The following VCL variants were observed in gnomAD, a reference collection of about 807,000 sequenced individuals.
VCL encodes vinculin.
Under a neutral mutation model 125.7 loss-of-function variants are expected in VCL, and 47 were observed. The observed-to-expected ratio is 0.37, with a 90% CI of 0.30 to 0.48. The LOEUF is 0.48. Among genes scored for constraint, VCL ranks in the 20% least tolerant of loss-of-function variants. The pLI, the probability that VCL is intolerant of heterozygous loss-of-function variation, is 0.99. For missense variants in VCL, 1,069 were observed against 1,455.5 expected (o/e 0.73, Z 4.32); for synonymous variants, 458 against 514.6 (o/e 0.89, Z 1.49).
chr10:74,042,572 C>T (rs976184175), intron 1 of VCL, among the ~76,000 whole-genome samples: 1 of 152,116 alleles, frequency 6.6e-6, no homozygotes, highest in Non-Finnish European at 1.5e-5. Flanking sequence ...GGAAAAATAT[C>T]ATATTGTTTT....
rs563955928 is a variant in VCL, at chr10:74,002,316, G to C, written c.168+3941G>C. ...AATTTTGGATTTTTAGTAGAGACGGGGTTTCTCCATGTTGGTTAGGCTGGT... is the reference window on the plus strand; with the variant it reads ...AATTTTGGATTTTTAGTAGAGACGGCGTTTCTCCATGTTGGTTAGGCTGGT... On this transcript the variant is annotated intron_variant, in intron 1 of 21. Coordinates refer to ENST00000211998, the MANE Select transcript of VCL (RefSeq NM_014000.3). 4.4e-3 allele frequency among the ~76,000 whole-genome samples: 665 copies of C among 151,298 alleles called. 5 individuals are homozygous for C. The highest frequency in any genetic ancestry group is 6.8e-3 in the Non-Finnish European group (461 of 67,772).
rs1840606382 is a variant in VCL, at chr10:74,018,692, A to AT, written c.168+20317_168+20318insT. On this transcript the variant is annotated intron_variant, in intron 1 of 21. Coordinates refer to ENST00000211998, the MANE Select transcript of VCL (RefSeq NM_014000.3). ...AGACGACATAAATCAGTTAAAAAAAACAAAACTAACTTCAGTTTTTGAATA... is the reference window on the plus strand; with the variant it reads ...AGACGACATAAATCAGTTAAAAAAAATCAAAACTAACTTCAGTTTTTGAATA... 2.0e-5 allele frequency among the ~76,000 whole-genome samples: 3 copies of AT among 152,308 alleles called. No homozygotes were observed. The South Asian group carries it at 6.2e-4, about 32-fold the overall frequency.
At position 74,014,472 on chromosome 10, in the gene VCL, C is replaced by T. The variant is rs185873944; in HGVS notation, c.168+16097C>T. ...CTGGTCTTGAACTCCTGGACTTAAGCAGTCCACCCGCCTCAGCCTCCCAAA... is the reference window on the plus strand; with the variant it reads ...CTGGTCTTGAACTCCTGGACTTAAGTAGTCCACCCGCCTCAGCCTCCCAAA... On this transcript the variant is annotated intron_variant, in intron 1 of 21. Coordinates refer to ENST00000211998, the MANE Select transcript of VCL (RefSeq NM_014000.3). 1.7e-3 allele frequency among the ~76,000 whole-genome samples: 251 copies of T among 151,372 alleles called. No homozygotes were observed. The Middle Eastern group carries it at 0.024, about 15-fold the overall frequency.
chr10:74,036,018 C>G (rs1840969645), intron 1 of VCL, among the ~76,000 whole-genome samples: 1 of 152,094 alleles, frequency 6.6e-6, no homozygotes, highest in Admixed American at 6.6e-5. Context: ...ATATAAGAGA[C>G]AAGCATCTGT....
intron 17 of VCL, 49 bp from the exon 18 acceptor site, chr10:74,108,922 G>T (rs780355735): frequency 1.9e-6 from 3 of 1,607,224 alleles, no homozygotes; most frequent in Admixed American, 1.7e-5. Flanking sequence ...AGAATTCCAG[G>T]GGGGAGTAGT....
chr10:74,068,151 C>T (rs972938907), intron 2 of VCL, among the ~76,000 whole-genome samples: 3 of 152,104 alleles, frequency 2.0e-5, no homozygotes, highest in Non-Finnish European at 2.9e-5. Flanking sequence ...ATATGCATAC[C>T]TTTGACTCAG....
intron 1 of VCL, among the ~76,000 whole-genome samples, chr10:74,024,856 G>C (rs1419467185): frequency 2.0e-5 from 3 of 152,138 alleles, no homozygotes; most frequent in Non-Finnish European, 4.4e-5. Context: ...CAGGACAATG[G>C]GACATCAGTT....
chr10:74,114,581 G>A (rs1369946252), intron 20 of VCL, among the ~76,000 whole-genome samples, 194 bp downstream of exon 20: 6 of 151,700 alleles, frequency 4.0e-5, no homozygotes, highest in Non-Finnish European at 1.5e-5. Context: ...ACAGATTCAG[G>A]AAAGGTTACT....
intron 1 of VCL, among the ~76,000 whole-genome samples, chr10:74,018,177 G>GATATATATATACAT: frequency 1.2e-5 from 1 of 81,882 alleles, no homozygotes; most frequent in Admixed American, 1.6e-4. Flanking sequence ...ATATATATAG[G>GATATATATATACAT]ATATATATAT....
intron 1 of VCL, among the ~76,000 whole-genome samples, chr10:74,012,004 C>T (rs1005417519): frequency 6.6e-6 from 1 of 152,222 alleles, no homozygotes; most frequent in Non-Finnish European, 1.5e-5. Context: ...GCACTTCTTA[C>T]CACAGCTGGC....
intron 18 of VCL, among the ~76,000 whole-genome samples, chr10:74,111,335 T>C (rs1457084345): frequency 6.6e-6 from 1 of 152,228 alleles, no homozygotes; most frequent in African/African-American, 2.4e-5. Context: ...GTATCATTTT[T>C]AATTCTGGGA....
chr10:74,004,876 T>C (rs1840292381), intron 1 of VCL, among the ~76,000 whole-genome samples: 1 of 152,002 alleles, frequency 6.6e-6, no homozygotes, highest in Non-Finnish European at 1.5e-5. Flanking sequence ...GGCTAATTTT[T>C]GTATTTTTAG....
intron 1 of VCL, among the ~76,000 whole-genome samples, chr10:74,032,128 A>C (rs1162849722): frequency 6.8e-6 from 1 of 147,430 alleles, no homozygotes; most frequent in Non-Finnish European, 1.5e-5. Flanking sequence ...ACTTCCAGCT[A>C]CTCAGGGGGC....
At chr10:74,089,376 T>C (rs756275942) in intron 9 of VCL, 27 bp downstream of exon 9, 2 of 1,612,248 alleles carry the variant, frequency 1.2e-6, no homozygotes, top group Non-Finnish European at 1.7e-6. Context: ...TCAGGAGGGG[T>C]GGGAAATATT....
In VCL at chr10:74,071,450, T is replaced by G. The variant is rs113195070; in HGVS notation, c.499+367T>G. ...CTGCCAGCTGGCCTGTAGTTCTTTATGACCTCTTAGCTTGCTAATTAGCCT... is the reference window on the plus strand; with the variant it reads ...CTGCCAGCTGGCCTGTAGTTCTTTAGGACCTCTTAGCTTGCTAATTAGCCT... On this transcript the variant is annotated intron_variant, in intron 4 of 21. Coordinates refer to ENST00000211998, the MANE Select transcript of VCL (RefSeq NM_014000.3). This position sits in a 1 kb window ranked among gnomAD's most constrained non-coding sequence, Gnocchi z 4.1. Among the ~76,000 whole-genome samples the G allele has an allele frequency of 6.6e-6, 1 of 152,222 alleles. No homozygotes were observed. Among genetic ancestry groups the G allele is most frequent in the Non-Finnish European group, 1.5e-5 (1 of 68,030 alleles).
chr10:74,114,080 A>G (rs1472717422), intron 19 of VCL, 104 bp from the exon 20 acceptor site: 2 of 1,356,932 alleles, frequency 1.5e-6, no homozygotes, highest in Admixed American at 1.8e-5. Context: ...TTCCGGAGGG[A>G]TGCTAAGGTG....
chr10:74,045,265 G>GGATAGATAGATA (rs35058961), intron 2 of VCL, among the ~76,000 whole-genome samples: 506 of 147,228 alleles, frequency 3.4e-3, no homozygotes, highest in East Asian at 0.012. Flanking sequence ...ACAGAGAGAC[G>GGATAGATAGATA]GATAGATAGA....
intron 6 of VCL, chr10:74,077,620 G>A (rs1839612428): frequency 2.4e-6 from 1 of 417,488 alleles, no homozygotes; most frequent in East Asian, 7.6e-5. Flanking sequence ...TGCATACAGT[G>A]TCTTTCACCT....
chr10:74,086,393 T>C (rs773290895), intron 8 of VCL, among the ~76,000 whole-genome samples: 5 of 152,248 alleles, frequency 3.3e-5, no homozygotes, highest in Non-Finnish European at 5.9e-5. Flanking sequence ...TAAATAAATG[T>C]GATCCCATTG....
Sources: allele counts gnomAD v4.1 joint callset (sites outside exome capture counted in the v4.1 genomes callset), GRCh38; gene constraint gnomAD v4.1.1; non-coding constraint Gnocchi (gnomAD v3.1); transcripts MANE v1.5; gene names NCBI Gene and HGNC (gene_info 2026-07-23, HGNC 2026-07-21).